EXOC2: variants seen among roughly 807,000 people sequenced by gnomAD.
EXOC2 encodes the protein SEC5-like 1.
EXOC2 carries 70 observed loss-of-function variants against 131.8 expected under a neutral mutation model. The ratio of observed to expected loss-of-function variants is 0.53; its 90% confidence interval spans 0.44 to 0.65. The LOEUF (loss-of-function observed/expected upper bound fraction) is 0.65. Ranked by LOEUF, EXOC2 falls within the 30% of genes least tolerant of loss-of-function variation. The pLI is 0.00. For synonymous variants in EXOC2, 411 were observed against 398.4 expected (o/e 1.03, Z -0.38); for missense variants, 923 against 1,108.6 (o/e 0.83, Z 2.38).
intron 23 of EXOC2, among the ~76,000 whole-genome samples, chr6:500,274 C>A (rs1327879261): frequency 6.6e-6 from 1 of 152,130 alleles, no homozygotes; most frequent in Non-Finnish European, 1.5e-5. Context: ...GGAGAAACTC[C>A]TTATAAAACT....
chr6:581,215 G>C (rs1311033309), intron 11 of EXOC2, among the ~76,000 whole-genome samples: 1 of 151,322 alleles, frequency 6.6e-6, no homozygotes, highest in Non-Finnish European at 1.5e-5. Flanking sequence ...AGAACTGCTT[G>C]TACCTGGGAG....
At chr6:617,209 G>A (rs1056680556) in intron 6 of EXOC2, among the ~76,000 whole-genome samples, 4 of 152,092 alleles carry the variant, frequency 2.6e-5, no homozygotes, top group Non-Finnish European at 5.9e-5. Context: ...CCAACATCTT[G>A]CATTAAAATG....
At chr6:503,738 G>C (rs761325465) in intron 23 of EXOC2, among the ~76,000 whole-genome samples, 7 of 152,170 alleles carry the variant, frequency 4.6e-5, no homozygotes, top group Non-Finnish European at 1.0e-4. Flanking sequence ...TAGTGTCCGT[G>C]TCTGGGAAAC....
At chr6:582,970 G>T (rs1223350011) in intron 11 of EXOC2, among the ~76,000 whole-genome samples, 2 of 152,056 alleles carry the variant, frequency 1.3e-5, no homozygotes, top group Non-Finnish European at 2.9e-5. Flanking sequence ...TAAATTAAAA[G>T]CAAAACTACA....
chr6:488,112 T>TGCGGG (rs1326977761), intron 27 of EXOC2, among the ~76,000 whole-genome samples: 6 of 152,312 alleles, frequency 3.9e-5, no homozygotes, highest in Middle Eastern at 3.4e-3. Context: ...GTGGGATGCG[T>TGCGGG]GCGGGGCGGG....
At chr6:612,067 A>G (rs574493506) in intron 6 of EXOC2, among the ~76,000 whole-genome samples, 10 of 152,356 alleles carry the variant, frequency 6.6e-5, no homozygotes, top group African/African-American at 2.4e-4. Flanking sequence ...GGTAGTATCT[A>G]AAGGATCCAG....
Position 549,274 on chromosome 6 carries a change from T to C in EXOC2, c.2139A>G (p.Ile713Met), listed in dbSNP as rs781104527. Residue 713 changes from isoleucine (I) to methionine (M), a missense_variant, in exon 22 of 28, where the codon ATA (isoleucine) becomes ATG (methionine). Coordinates refer to ENST00000230449, the MANE Select transcript of EXOC2 (RefSeq NM_018303.6). The stretch of plus-strand genomic sequence containing the variant: ...CTAGATAGCAGCAATTACTTAGGAC[T>C]ATCAAAAGGCGCTGTTCCTAAAAGC... ...FSLTSEQRLL[I>M]VLSNCCYLER... 1 of 1,613,654 alleles carries C rather than the reference T, an allele frequency of 6.2e-7. No homozygotes were observed. Among genetic ancestry groups the C allele is most frequent in the Non-Finnish European group, 8.5e-7 (1 of 1,179,632 alleles).
At chr6:654,834 A>AAAAAAAAT (rs1762995908) in intron 1 of EXOC2, among the ~76,000 whole-genome samples, 1 of 143,234 alleles carries the variant, frequency 7.0e-6, no homozygotes, top group Non-Finnish European at 1.5e-5. Flanking sequence ...AAAAAAAAAA[A>AAAAAAAAT]AAAGTAGAGC....
intron 4 of EXOC2, among the ~76,000 whole-genome samples, chr6:622,322 A>C (rs1263730579): frequency 6.6e-6 from 1 of 152,344 alleles, no homozygotes; most frequent in East Asian, 1.9e-4. Flanking sequence ...TTTAAGTACA[A>C]GACATCCTCA....
intron 7 of EXOC2, among the ~76,000 whole-genome samples, chr6:604,720 C>A (rs758456644): frequency 2.7e-5 from 4 of 147,448 alleles, no homozygotes; most frequent in Non-Finnish European, 6.0e-5. Flanking sequence ...GCTGGCCCTG[C>A]GGGGACACAC....
intron 7 of EXOC2, 107 bp from the exon 8 acceptor site, chr6:599,332 G>T: frequency 9.6e-7 from 1 of 1,046,112 alleles, no homozygotes; most frequent in Non-Finnish European, 1.3e-6. Context: ...GTAGTTTTAC[G>T]TTAAAACTCA....
chr6:665,509 T>C (rs565355855), intron 1 of EXOC2, among the ~76,000 whole-genome samples: 2 of 152,262 alleles, frequency 1.3e-5, no homozygotes, highest in South Asian at 2.1e-4. Flanking sequence ...CAATTCACAA[T>C]TGCAAAATCG....
At chr6:645,119 G>A (rs1581618371) in intron 1 of EXOC2, among the ~76,000 whole-genome samples, 1 of 151,928 alleles carries the variant, frequency 6.6e-6, no homozygotes, top group Admixed American at 6.6e-5. Flanking sequence ...ACTAATGGAC[G>A]AATGAAATAG....
At chr6:518,271 G>A (rs1469795496) in intron 23 of EXOC2, among the ~76,000 whole-genome samples, 6 of 108,568 alleles carry the variant, frequency 5.5e-5, no homozygotes, top group African/African-American at 2.5e-4. Flanking sequence ...GGGGAGCCCA[G>A]GGGCACAGAT....
At chr6:497,334 G>A (rs369122262) in intron 25 of EXOC2, 33 bp downstream of exon 25, 3 of 1,597,070 alleles carry the variant, frequency 1.9e-6, no homozygotes, top group Non-Finnish European at 2.6e-6. Flanking sequence ...AATAACAACA[G>A]AAGTTCAATA....
intron 23 of EXOC2, among the ~76,000 whole-genome samples, chr6:521,803 C>T (rs1164985307): frequency 1.3e-5 from 2 of 152,180 alleles, no homozygotes; most frequent in Non-Finnish European, 2.9e-5. Flanking sequence ...GCTGGGATTA[C>T]AGGTGTGAAC....
chr6:682,573 CCTCT>C (rs145873625), intron 1 of EXOC2, among the ~76,000 whole-genome samples: 3 of 151,260 alleles, frequency 2.0e-5, no homozygotes, highest in African/African-American at 4.9e-5. Context: ...AGTATTTTTT[CCTCT>C]CTCTCTCTCT....
At chr6:556,342 G>C in intron 18 of EXOC2, 142 bp downstream of exon 18, 2 of 856,520 alleles carry the variant, frequency 2.3e-6, no homozygotes, top group Non-Finnish European at 3.7e-6. Flanking sequence ...TCGGAAATCA[G>C]CACATCTACG....
chr6:598,809 TC>T, intron 9 of EXOC2, 50 bp downstream of exon 9: 1 of 1,429,612 alleles, frequency 7.0e-7, no homozygotes, highest in Middle Eastern at 1.9e-4. Flanking sequence ...CATTCCACAT[TC>T]TTCCTATAAA....
Sources: allele counts gnomAD v4.1 joint callset (sites outside exome capture counted in the v4.1 genomes callset), GRCh38; gene constraint gnomAD v4.1.1; transcripts MANE v1.5; gene names NCBI Gene and HGNC (gene_info 2026-07-23, HGNC 2026-07-21).